The following ABTB2 variants were observed in gnomAD, a reference collection of about 807,000 sequenced individuals.
ABTB2 encodes the protein ankyrin repeat and BTB/POZ domain-containing protein 2.
A neutral mutation model predicts 104.1 loss-of-function variants in ABTB2; 56 were observed. That is an observed-to-expected ratio of 0.54 (90% CI 0.43 to 0.67). The LOEUF is 0.67. Ranked by LOEUF, ABTB2 falls within the 30% of genes least tolerant of loss-of-function variation. The pLI, the probability that ABTB2 is intolerant of heterozygous loss-of-function variation, is 0.00. For synonymous variants in ABTB2, 606 were observed against 608.2 expected (o/e 1.00, Z 0.05); for missense variants, 1,279 against 1,407.7 (o/e 0.91, Z 1.46).
chr11:34,357,594 C>T lies in ABTB2; in HGVS notation c.-11G>A. 1 of 1,496,960 alleles carries T rather than the reference C, an allele frequency of 6.7e-7. No homozygotes were observed. 92.7% of individuals were successfully genotyped at this position (1,496,960 alleles called of 1,614,324 possible). The stretch of plus-strand genomic sequence containing the variant: ...GTACGTCCCGGCCATGGGGAGCCTG[C>T]CGAGGGCGGCGTCGCCGAGCGAGGG... On this transcript the variant is annotated 5_prime_UTR_variant, in exon 1 of 17. Coordinates refer to ENST00000435224, the MANE Select transcript of ABTB2 (RefSeq NM_145804.3).
At chr11:34,208,438 G>C (rs1406665220) in intron 1 of ABTB2, among the ~76,000 whole-genome samples, 1 of 152,156 alleles carries the variant, frequency 6.6e-6, no homozygotes, top group Non-Finnish European at 1.5e-5. Flanking sequence ...GCACCACCCT[G>C]TACCCATGAC....
In ABTB2 at chr11:34,354,400, G is replaced by A. The variant is rs1855437931; in HGVS notation, c.883+2301C>T. On this transcript the variant is annotated intron_variant, in intron 1 of 16. Transcript: ENST00000435224. ...ACATTTTGAGAGGCCGAGGCAGGAG[G>A]ACTGCTGGAGCCCAGGAGTTTGAAA... Among the ~76,000 whole-genome samples, 5 of 150,884 alleles carry A rather than the reference G, an allele frequency of 3.3e-5. No individual in the cohort carries two copies. The South Asian group carries it at 1.0e-3, about 32-fold the overall frequency.
Position 34,303,920 on chromosome 11 carries a change from GGT to G in ABTB2, c.883+52779_883+52780del, listed in dbSNP as rs1854741741. 2.0e-5 allele frequency among the ~76,000 whole-genome samples: 3 copies of G among 152,118 alleles called. No homozygotes were observed. In the South Asian group the frequency reaches 6.2e-4, roughly 31 times the overall value. ...GGCCTCCAAAAATGCTGGGATTACA[GGT>G]GTAAGCCACCACGCCTGGCCTCAGC... On this transcript the variant is annotated intron_variant, in intron 1 of 16. Coordinates refer to ENST00000435224, the MANE Select transcript of ABTB2 (RefSeq NM_145804.3).
chr11:34,195,082 G>GGGGC (rs1222492513), intron 3 of ABTB2, among the ~76,000 whole-genome samples: 1 of 94,946 alleles, frequency 1.1e-5, no homozygotes, highest in Non-Finnish European at 2.5e-5. Flanking sequence ...CGGCGGGGGG[G>GGGGC]GGGAGTGGGG....
chr11:34,328,050 A>G (rs1171603942), intron 1 of ABTB2, among the ~76,000 whole-genome samples: 1 of 152,040 alleles, frequency 6.6e-6, no homozygotes, highest in East Asian at 1.9e-4. Context: ...AGCAACTCTG[A>G]CTCTGTCCAA....
chr11:34,346,246 C>T (rs1337709721), intron 1 of ABTB2, among the ~76,000 whole-genome samples: 3 of 151,944 alleles, frequency 2.0e-5, no homozygotes, highest in East Asian at 1.9e-4. Context: ...TGTCCCACAT[C>T]GTATAAAGAA....
chr11:34,322,973 G>A (rs1015829847), intron 1 of ABTB2, among the ~76,000 whole-genome samples: 18 of 152,106 alleles, frequency 1.2e-4, no homozygotes, highest in African/African-American at 4.1e-4. Flanking sequence ...GCAGTGGCAC[G>A]ATCTCGGCTC....
At chr11:34,208,416 A>C (rs778100364) in intron 1 of ABTB2, among the ~76,000 whole-genome samples, 44 of 152,262 alleles carry the variant, frequency 2.9e-4, no homozygotes, top group Non-Finnish European at 4.9e-4. Context: ...AAAGCCACGG[A>C]GGGAACCGCA....
intron 3 of ABTB2, among the ~76,000 whole-genome samples, chr11:34,193,480 A>G (rs1853208077): frequency 6.6e-6 from 1 of 152,252 alleles, no homozygotes; most frequent in Non-Finnish European, 1.5e-5. Flanking sequence ...GGAAAGCCAC[A>G]GCCTGGCACA....
At chr11:34,281,559 C>T (rs1486624300) in intron 1 of ABTB2, among the ~76,000 whole-genome samples, 4 of 152,188 alleles carry the variant, frequency 2.6e-5, no homozygotes, top group East Asian at 3.8e-4. Context: ...CACAGCCCTT[C>T]GGGGACTCCC....
chr11:34,349,088 G>A (rs747951439), intron 1 of ABTB2, among the ~76,000 whole-genome samples: 64 of 152,326 alleles, frequency 4.2e-4, no homozygotes, highest in Non-Finnish European at 7.6e-4. Flanking sequence ...AACCAAAGCT[G>A]CAAAAGCACT....
Position 34,172,471 on chromosome 11 carries a change from T to C in ABTB2, c.1397+684A>G, listed in dbSNP as rs561704327. On this transcript the variant is annotated intron_variant, in intron 4 of 16. Transcript: ENST00000435224. Reference sequence around the variant, plus strand: ...ATAGATAGATAGATAGATAGATAGATAGATAGATAGATAAAAGGCTCTCAT... The same window carrying C: ...ATAGATAGATAGATAGATAGATAGACAGATAGATAGATAAAAGGCTCTCAT... Among the ~76,000 whole-genome samples the C allele has an allele frequency of 3.1e-3, 451 of 144,890 alleles. 2 individuals carry two copies. Among genetic ancestry groups the C allele is most frequent in the Non-Finnish European group, 5.6e-3 (374 of 66,672 alleles).
chr11:34,284,791 T>C (rs1854484990), intron 1 of ABTB2, among the ~76,000 whole-genome samples: 1 of 152,250 alleles, frequency 6.6e-6, no homozygotes, highest in Admixed American at 6.5e-5. Flanking sequence ...GCCAGAAATC[T>C]GTCAGGAGGC....
chr11:34,337,210 T>C (rs1452704467), intron 1 of ABTB2, among the ~76,000 whole-genome samples: 1 of 152,202 alleles, frequency 6.6e-6, no homozygotes, highest in Non-Finnish European at 1.5e-5. Context: ...GCTTATTTGT[T>C]GAGGAAGGCC....
chr11:34,258,314 A>G (rs1461704258), intron 1 of ABTB2, among the ~76,000 whole-genome samples: 1 of 150,982 alleles, frequency 6.6e-6, no homozygotes, highest in African/African-American at 2.4e-5. Flanking sequence ...ATCCCACTTC[A>G]TTTTTTTTTC....
chr11:34,204,620 A>G lies in ABTB2; in HGVS notation c.954T>C (p.Asp318=). ...TTCGGAGCTCCAGCTGGGCATAGGCATCGGCTCGCTCGTCATGGCCCAGGG... is the reference window on the plus strand; with the variant it reads ...TTCGGAGCTCCAGCTGGGCATAGGCGTCGGCTCGCTCGTCATGGCCCAGGG... The part of the protein sequence containing the change: ...GGSLGHDERA[D]AYAQLELRTL... Residue 318 remains aspartate, a synonymous_variant, in exon 2 of 17, where the codon GAT becomes GAC. Transcript: ENST00000435224. 1 of 1,612,878 alleles carries G rather than the reference A, an allele frequency of 6.2e-7. No homozygotes were observed. The highest frequency in any genetic ancestry group is 1.1e-5 in the South Asian group (1 of 91,054).
chr11:34,160,665 G>A (rs1462975817), intron 11 of ABTB2, among the ~76,000 whole-genome samples: 3 of 116,704 alleles, frequency 2.6e-5, no homozygotes, highest in Non-Finnish European at 3.6e-5. Flanking sequence ...GTGCACGCGC[G>A]CGCGTGTGTG....
intron 1 of ABTB2, among the ~76,000 whole-genome samples, chr11:34,229,480 CA>C (rs56906755): frequency 0.031 from 2,679 of 86,286 alleles, 62 homozygotes; most frequent in African/African-American, 0.096. Flanking sequence ...GACTCCATCT[CA>C]AAAAAAAAAA....
intron 3 of ABTB2, among the ~76,000 whole-genome samples, chr11:34,195,075 C>CGGGGCG (rs1554982291): frequency 1.7e-4 from 3 of 18,066 alleles, no homozygotes; most frequent in Non-Finnish European, 6.0e-4. Flanking sequence ...AGATGCCCGG[C>CGGGGCG]GGGGGGGGGG....
Sources: allele counts gnomAD v4.1 joint callset (sites outside exome capture counted in the v4.1 genomes callset), GRCh38; gene constraint gnomAD v4.1.1; transcripts MANE v1.5; gene names NCBI Gene and HGNC (gene_info 2026-07-23, HGNC 2026-07-21).